Variants in KLHL20 observed in about 807,000 individuals in gnomAD.
KLHL20 encodes kelch-like protein 20.
KLHL20 carries 29 observed loss-of-function variants against 69.5 expected under a neutral mutation model. The ratio of observed to expected loss-of-function variants is 0.42; its 90% CI spans 0.31 to 0.57. KLHL20 has a LOEUF of 0.57. Among genes scored for constraint, KLHL20 ranks in the 20% least tolerant of loss-of-function variants. The pLI is 0.18. For synonymous variants in KLHL20, 253 were observed against 265.2 expected, an observed-to-expected ratio of 0.95 and a Z score of 0.45; for missense variants, 419 against 776.0, an observed-to-expected ratio of 0.54 and a Z score of 5.47.
intron 3 of KLHL20, among the ~76,000 whole-genome samples, chr1:173,745,772 T>G (rs1312317352): frequency 6.6e-6 from 1 of 152,200 alleles, no homozygotes; most frequent in Non-Finnish European, 1.5e-5. Context: ...TGTACATACT[T>G]ATTTGTTTCT....
intron 9 of KLHL20, among the ~76,000 whole-genome samples, chr1:173,774,904 G>A (rs938534603): frequency 2.6e-5 from 4 of 152,042 alleles, no homozygotes; most frequent in Non-Finnish European, 4.4e-5. Context: ...TCTACCTCCC[G>A]GACTCAAGCA....
chr1:173,762,730 C>T (rs1355411934), intron 7 of KLHL20, among the ~76,000 whole-genome samples: 2 of 151,490 alleles, frequency 1.3e-5, no homozygotes, highest in Non-Finnish European at 1.5e-5. Context: ...AAGGGACATA[C>T]TTTAATAAAA....
chr1:173,745,687 T>A (rs1240455388), intron 3 of KLHL20, among the ~76,000 whole-genome samples: 1 of 152,212 alleles, frequency 6.6e-6, no homozygotes, highest in Non-Finnish European at 1.5e-5. Flanking sequence ...TTTCCAATTG[T>A]TCATGCTTCT....
intron 3 of KLHL20, among the ~76,000 whole-genome samples, chr1:173,736,721 G>A (rs12090440): frequency 0.076 from 11,577 of 151,444 alleles, 1,449 homozygotes; most frequent in African/African-American, 0.26. Context: ...TCAGCCTCCC[G>A]AGTAGCTGGG....
intron 2 of KLHL20, 59 bp downstream of exon 2, chr1:173,716,125 T>C: frequency 6.5e-7 from 1 of 1,532,462 alleles, no homozygotes; most frequent in Non-Finnish European, 9.0e-7. Flanking sequence ...ATGTAATAAT[T>C]TAAATTTTTA....
chr1:173,726,391 G>T (rs1430861971), intron 2 of KLHL20, among the ~76,000 whole-genome samples: 2 of 151,972 alleles, frequency 1.3e-5, no homozygotes, highest in African/African-American at 2.4e-5. Context: ...TGACAGCTTT[G>T]AAGAGAGTAG....
intron 3 of KLHL20, among the ~76,000 whole-genome samples, chr1:173,736,132 A>T (rs1476333762): frequency 1.3e-5 from 2 of 151,776 alleles, no homozygotes; most frequent in Non-Finnish European, 2.9e-5. Context: ...TTTTTATTAG[A>T]GATGGGGTTT....
chr1:173,739,850 A>T (rs995310533), intron 3 of KLHL20, among the ~76,000 whole-genome samples: 7 of 151,238 alleles, frequency 4.6e-5, no homozygotes, highest in African/African-American at 1.7e-4. Context: ...CATGTTGGGC[A>T]GGCTAGTCTC....
chr1:173,740,974 C>G (rs1255688057), intron 3 of KLHL20, among the ~76,000 whole-genome samples: 1 of 152,188 alleles, frequency 6.6e-6, no homozygotes, highest in Non-Finnish European at 1.5e-5. Context: ...TCCCTAGGGA[C>G]CAGGACTGCC....
At chr1:173,763,270 A>C (rs917236007) in intron 7 of KLHL20, among the ~76,000 whole-genome samples, 10 of 152,248 alleles carry the variant, frequency 6.6e-5, no homozygotes, top group African/African-American at 2.4e-4. Flanking sequence ...TCCCATGCTC[A>C]TGGATGGGTA....
chr1:173,754,989 T>C (rs1197772708), intron 5 of KLHL20, among the ~76,000 whole-genome samples: 1 of 152,118 alleles, frequency 6.6e-6, no homozygotes, highest in Non-Finnish European at 1.5e-5. Flanking sequence ...CTCAATATTA[T>C]AGCTCTATAG....
intron 11 of KLHL20, among the ~76,000 whole-genome samples, chr1:173,782,610 G>A (rs1648950061): frequency 6.6e-6 from 1 of 151,836 alleles, no homozygotes; most frequent in African/African-American, 2.4e-5. Flanking sequence ...GCCATTTTTT[G>A]GTGTTCTTGT....
At chr1:173,752,820 T>A (rs1673371039) in intron 4 of KLHL20, among the ~76,000 whole-genome samples, 1 of 152,146 alleles carries the variant, frequency 6.6e-6, no homozygotes, top group East Asian at 1.9e-4. Flanking sequence ...CACAGTAGGG[T>A]ACCATGGGTC....
Position 173,716,017 on chromosome 1 carries a change from T to G in KLHL20, c.-27T>G. On this transcript the variant is annotated 5_prime_UTR_variant, in exon 2 of 12. Transcript: ENST00000209884. ...TGTTGTCTTAGGTTCGGCTTTAGAG[T>G]GTGGTGAAGGGTACTTTTCATGGTG... 5 of 1,611,972 alleles carry G rather than the reference T, an allele frequency of 3.1e-6. No homozygotes were observed. Among genetic ancestry groups the G allele is most frequent in the Non-Finnish European group, 3.4e-6 (4 of 1,178,702 alleles).
intron 3 of KLHL20, among the ~76,000 whole-genome samples, chr1:173,735,318 C>T (rs1167334552): frequency 2.0e-5 from 3 of 151,912 alleles, no homozygotes; most frequent in African/African-American, 4.8e-5. Context: ...TGGTGGCGTG[C>T]ACCCTTAGTC....
At chr1:173,743,387 A>G (rs1394095976) in intron 3 of KLHL20, among the ~76,000 whole-genome samples, 1 of 151,868 alleles carries the variant, frequency 6.6e-6, no homozygotes, top group African/African-American at 2.4e-5. Flanking sequence ...CTCTATGAAT[A>G]TTTTTATCTG....
At chr1:173,765,800 AATAT>A (rs770299400) in intron 7 of KLHL20, among the ~76,000 whole-genome samples, 1 of 152,144 alleles carries the variant, frequency 6.6e-6, no homozygotes, top group Non-Finnish European at 1.5e-5. Flanking sequence ...CATATAAAGA[AATAT>A]ATATATGTGG....
chr1:173,773,195 C>T (rs951306466), intron 8 of KLHL20, among the ~76,000 whole-genome samples: 7 of 151,388 alleles, frequency 4.6e-5, no homozygotes, highest in Non-Finnish European at 1.0e-4. Flanking sequence ...TGAACTCGAA[C>T]TTGTGGCCTC....
intron 10 of KLHL20, 41 bp downstream of exon 10, chr1:173,775,883 C>T: frequency 6.4e-7 from 1 of 1,552,104 alleles, no homozygotes; most frequent in Non-Finnish European, 8.9e-7. Context: ...CAAATCTTGG[C>T]TATTAATAGT....
Sources: gnomAD v4.1 joint callset for allele counts (sites outside exome capture counted in the v4.1 genomes callset) on GRCh38, gnomAD v4.1.1 for gene constraint, MANE v1.5 for transcripts, NCBI Gene and HGNC (gene_info 2026-07-23, HGNC 2026-07-21) for gene names.